Variants in GCNT1 observed in about 807,000 individuals in gnomAD.
GCNT1 encodes beta-1,3-galactosyl-O-glycosyl-glycoprotein beta-1,6-N-acetylglucosaminyltransferase.
GCNT1 carries 16 observed loss-of-function variants against 26.2 expected under a neutral mutation model. The observed-to-expected ratio is 0.61, with a 90% CI of 0.41 to 0.93. The LOEUF is 0.93. Ranked by LOEUF, GCNT1 falls within the 40% of genes least tolerant of loss-of-function variation. The pLI is 0.00. For synonymous variants in GCNT1, 183 were observed against 190.8 expected, an observed-to-expected ratio of 0.96 and a Z score of 0.34; for missense variants, 477 against 526.7, an observed-to-expected ratio of 0.91 and a Z score of 0.92.
At chr9:76,475,058 C>T (rs1824222472) in intron 2 of GCNT1, among the ~76,000 whole-genome samples, 1 of 152,198 alleles carries the variant, frequency 6.6e-6, no homozygotes, top group South Asian at 2.1e-4. Flanking sequence ...ATTACAGGTG[C>T]CCGCCACCAC....
At chr9:76,397,192 G>A in the GCNT1 span, among the ~76,000 whole-genome samples, 1 of 152,120 alleles carries the variant, frequency 6.6e-6, no homozygotes, top group South Asian at 2.1e-4. Flanking sequence ...TGGGGCGGAA[G>A]AATCGCTTGA....
Position 76,502,796 on chromosome 9 carries a change from C to A in GCNT1, c.415C>A (p.Leu139Met). ...TCACAAGATTGAAATGCTTGACAGG[C>A]TGCTGAGGGCCATCTATATGCCTCA... ...VHHKIEMLDR[L>M]LRAIYMPQNF... The change falls in exon 4 of 4, where the codon CTG (leucine) becomes ATG (methionine). Residue 139 changes from leucine to methionine, a missense_variant. Transcript: ENST00000376730. 1.2e-6 allele frequency: 2 copies of A among 1,614,126 alleles called. No individual in the cohort carries two copies. Among genetic ancestry groups the A allele is most frequent in the South Asian group, 2.2e-5 (2 of 91,086 alleles).
chr9:76,395,529 C>G, the GCNT1 span, among the ~76,000 whole-genome samples: 2 of 151,866 alleles, frequency 1.3e-5, no homozygotes, highest in Non-Finnish European at 2.9e-5. Context: ...CGAGGCTGCA[C>G]TGAGCTATGA....
chr9:76,462,733 G>A (rs1262120298), intron 2 of GCNT1, among the ~76,000 whole-genome samples: 3 of 152,078 alleles, frequency 2.0e-5, no homozygotes, highest in Admixed American at 6.5e-5. Flanking sequence ...AACATCTGAC[G>A]CCTTGAAACA....
intron 1 of GCNT1, among the ~76,000 whole-genome samples, chr9:76,450,010 T>G (rs886325497): frequency 3.3e-5 from 5 of 152,118 alleles, no homozygotes; most frequent in African/African-American, 7.2e-5. Flanking sequence ...TGACCTCAAG[T>G]GATCCACCAG....
intron 1 of GCNT1, chr9:76,420,275 T>A (rs530399550): frequency 1.3e-5 from 2 of 152,330 alleles, no homozygotes; most frequent in East Asian, 3.9e-4. Context: ...TTATATTTCA[T>A]TTCTATTTAT....
chr9:76,450,920 G>A (rs1041305739), intron 1 of GCNT1, among the ~76,000 whole-genome samples: 2 of 152,128 alleles, frequency 1.3e-5, no homozygotes, highest in Non-Finnish European at 2.9e-5. Flanking sequence ...TTGCCATTCT[G>A]AGAAATGCTG....
rs1825246987 is a variant in GCNT1, at chr9:76,506,699, G to C, written c.*3031G>C. ...CAGGCAGTTACTGAGGCTCTTCCCA[G>C]ATCTCAGTAAACAGCCACTCAGCCT... is the stretch of plus-strand genomic sequence containing the variant. On this transcript the variant is annotated 3_prime_UTR_variant, in exon 4 of 4. Transcript: ENST00000376730. The C allele has an allele frequency of 6.0e-6, 1 of 166,996 alleles. No homozygotes were observed. Among genetic ancestry groups the C allele is most frequent in the South Asian group, 2.1e-4 (1 of 4,830 alleles). The allele number at this position is 166,996 out of a possible 1,614,324, so 10.3% of individuals were successfully genotyped here. A position where few individuals can be genotyped will look rare whatever the true frequency, so the allele number is the denominator to read the frequency against.
At chr9:76,411,492 C>A in the GCNT1 span, among the ~76,000 whole-genome samples, 1 of 151,626 alleles carries the variant, frequency 6.6e-6, no homozygotes, top group African/African-American at 2.4e-5. Context: ...CCATGCCTGG[C>A]TAATTTTTGT....
intron 1 of GCNT1, among the ~76,000 whole-genome samples, chr9:76,450,593 T>C (rs1587417818): frequency 6.6e-6 from 1 of 152,224 alleles, no homozygotes; most frequent in South Asian, 2.1e-4. Context: ...TTTTCAACTT[T>C]GCCAATCTGA....
At chr9:76,477,701 T>C (rs2131611423) in intron 2 of GCNT1, among the ~76,000 whole-genome samples, 1 of 152,330 alleles carries the variant, frequency 6.6e-6, no homozygotes, top group South Asian at 2.1e-4. Context: ...ATATTTGCAC[T>C]GTTGTGCAGC....
the GCNT1 span, among the ~76,000 whole-genome samples, chr9:76,403,089 C>T: frequency 6.6e-6 from 1 of 152,236 alleles, no homozygotes; most frequent in African/African-American, 2.4e-5. Context: ...CAACTTCTAC[C>T]CACATGAGAC....
rs369862725 is a variant in GCNT1, at chr9:76,452,924, G to C, written c.-290+10609G>C. Among the ~76,000 whole-genome samples the C allele has an allele frequency of 4.6e-5, 7 of 152,234 alleles. No homozygotes were observed. The East Asian group carries it at 9.6e-4, about 21-fold the overall frequency. ...TACCTGCCAGCCCACAGAACTATTTGAACAAGCCAATTACATCCTCCCGTG... is the reference window on the plus strand; with the variant it reads ...TACCTGCCAGCCCACAGAACTATTTCAACAAGCCAATTACATCCTCCCGTG... On this transcript the variant is annotated intron_variant, in intron 1 of 2. Transcript: ENST00000442371.
the GCNT1 span, among the ~76,000 whole-genome samples, chr9:76,406,632 C>T: frequency 2.0e-5 from 3 of 151,056 alleles, no homozygotes; most frequent in Non-Finnish European, 4.4e-5. Context: ...ACCCAGGAGG[C>T]GAAGGTTGCA....
At chr9:76,480,119 C>T (rs961053390) in intron 2 of GCNT1, among the ~76,000 whole-genome samples, 1 of 152,158 alleles carries the variant, frequency 6.6e-6, no homozygotes, top group African/African-American at 2.4e-5. Context: ...GGAATCCTTT[C>T]CCCATTTCTT....
upstream of GCNT1, among the ~76,000 whole-genome samples, chr9:76,416,614 G>A (rs998367333): frequency 6.6e-6 from 1 of 152,174 alleles, no homozygotes; most frequent in South Asian, 2.1e-4. Flanking sequence ...CTGAGTAAGC[G>A]AACCACACCC....
At position 76,507,263 on chromosome 9, in the gene GCNT1, T is replaced by A. The variant is rs78209681; in HGVS notation, c.*3595T>A. The A allele has an allele frequency of 6.0e-6, 1 of 167,026 alleles. No homozygotes were observed. Among genetic ancestry groups the A allele is most frequent in the Non-Finnish European group, 1.5e-5 (1 of 68,118 alleles). 10.3% of individuals were successfully genotyped at this position (167,026 alleles called of 1,614,324 possible). On this transcript the variant is annotated 3_prime_UTR_variant, in exon 4 of 4. Transcript: ENST00000376730. ...AAAAACCGTTAAGCCTCTACGATTT[T>A]TAAGTAAGTTGGGGACCATCAGTTT... is the stretch of plus-strand genomic sequence containing the variant.
At chr9:76,421,686 G>GTTTTTTTTTTTTTT (rs375605387) in intron 1 of GCNT1, among the ~76,000 whole-genome samples, 1 of 84,376 alleles carries the variant, frequency 1.2e-5, no homozygotes, top group Non-Finnish European at 2.2e-5. Flanking sequence ...TTGTTTGTAG[G>GTTTTTTTTTTTTTT]TTGTTTTTTT....
intron 2 of GCNT1, among the ~76,000 whole-genome samples, chr9:76,468,599 C>T (rs1824060209): frequency 6.6e-6 from 1 of 152,208 alleles, no homozygotes; most frequent in African/African-American, 2.4e-5. Flanking sequence ...CCATCCTTTG[C>T]ACCCATCAGA....
Sources: gnomAD v4.1 joint callset for allele counts (sites outside exome capture counted in the v4.1 genomes callset) on GRCh38, gnomAD v4.1.1 for gene constraint, MANE v1.5 for transcripts, NCBI Gene and HGNC (gene_info 2026-07-23, HGNC 2026-07-21) for gene names.